Variants in UACA observed in about 807,000 individuals in gnomAD.
The protein encoded by UACA is uveal autoantigen with coiled-coil domains and ankyrin repeats.
In UACA, 112 loss-of-function variants were observed where a neutral mutation model predicts 160.5. The ratio of observed to expected loss-of-function variants is 0.70; its 90% CI spans 0.60 to 0.82. UACA has a LOEUF of 0.82. Ranked by LOEUF, UACA falls within the 40% of genes least tolerant of loss-of-function variation. The probability of loss-of-function intolerance (pLI) is 0.00; values close to 1 mark genes in which losing one functional copy is unlikely to be tolerated. For synonymous variants in UACA, 557 were observed against 568.4 expected (o/e 0.98, Z 0.29); for missense variants, 1,574 against 1,614.6 (o/e 0.97, Z 0.43).
At chr15:70,699,725 GAA>G in intron 1 of UACA, 65 bp from the exon 2 acceptor site, 1 of 1,557,150 alleles carries the variant, frequency 6.4e-7, no homozygotes, top group South Asian at 1.2e-5. Flanking sequence ...TCTAAAGAAA[GAA>G]AAAAGAGAGA....
chr15:70,680,845 G>T (rs1897475493), intron 9 of UACA, among the ~76,000 whole-genome samples: 1 of 152,160 alleles, frequency 6.6e-6, no homozygotes, highest in Non-Finnish European at 1.5e-5. Flanking sequence ...CACTGATTGG[G>T]GTGCACACGT....
intron 10 of UACA, among the ~76,000 whole-genome samples, chr15:70,678,807 C>T (rs112006868): frequency 0.014 from 2,057 of 151,696 alleles, 42 homozygotes; most frequent in African/African-American, 0.048. Context: ...ATATAAAAGC[C>T]AAAAAGTACT....
At position 70,668,407 on chromosome 15, in the gene UACA, T is replaced by C. The variant is rs1265370501; in HGVS notation, c.2277A>G (p.Ala759=). The change falls in exon 16 of 19, where the codon GCA becomes GCG. Residue 759 remains alanine, a synonymous_variant. Coordinates refer to ENST00000322954, the MANE Select transcript of UACA (RefSeq NM_018003.4). ...GCTTTCTATTAAGATCATCAATAAT[T>C]GCATCATGTGACTTTTTCATGTCTT... The part of the protein sequence containing the change: ...VSEDMKKSHD[A]IIDDLNRKLL... 6.2e-7 allele frequency: 1 copy of C among 1,610,620 alleles called. No individual in the cohort carries two copies. Among genetic ancestry groups the C allele is most frequent in the Non-Finnish European group, 8.5e-7 (1 of 1,179,418 alleles).
chr15:70,702,872 T>C (rs544885216), intron 1 of UACA, among the ~76,000 whole-genome samples: 2 of 152,320 alleles, frequency 1.3e-5, no homozygotes, highest in South Asian at 4.1e-4. Flanking sequence ...TAGTGATGCA[T>C]ACTTTTCAAC....
At chr15:70,761,581 G>A (rs1192501756) in intron 1 of UACA, among the ~76,000 whole-genome samples, 2 of 152,110 alleles carry the variant, frequency 1.3e-5, no homozygotes, top group Non-Finnish European at 2.9e-5. Context: ...AAATTTTACA[G>A]AATTCATTCT....
At chr15:70,778,215 AT>A in the UACA span, among the ~76,000 whole-genome samples, 18 of 152,098 alleles carry the variant, frequency 1.2e-4, no homozygotes, top group African/African-American at 4.1e-4. Flanking sequence ...AAAAAAAAAA[AT>A]ATTGAGAACA....
intron 1 of UACA, among the ~76,000 whole-genome samples, chr15:70,728,904 A>C (rs925555173): frequency 2.6e-5 from 4 of 152,230 alleles, no homozygotes; most frequent in Non-Finnish European, 5.9e-5. Flanking sequence ...TCTCAAAAGA[A>C]CACATACAAG....
chr15:70,676,450 T>C, intron 13 of UACA, 43 bp downstream of exon 13: 2 of 1,309,506 alleles, frequency 1.5e-6, no homozygotes, highest in African/African-American at 2.9e-5. Flanking sequence ...AGCCTTACCA[T>C]TACCCATTAT....
chr15:70,739,009 C>G (rs1418869430), intron 1 of UACA, among the ~76,000 whole-genome samples: 1 of 152,202 alleles, frequency 6.6e-6, no homozygotes, highest in Non-Finnish European at 1.5e-5. Flanking sequence ...TCACTTCTAA[C>G]ACATTCTATT....
chr15:70,654,708 C>T lies in UACA; in HGVS notation c.*2348G>A, dbSNP rs958635220. The T allele has an allele frequency of 6.6e-6, 1 of 151,844 alleles. No homozygotes were observed. Among genetic ancestry groups the T allele is most frequent in the Admixed American group, 6.6e-5 (1 of 15,236 alleles). The allele number at this position is 151,844 out of a possible 1,614,324, so 9.4% of individuals were successfully genotyped here. A position where few individuals can be genotyped will look rare whatever the true frequency, so the allele number is the denominator to read the frequency against. ...AAGTTCTCAAGTAAGGATTGCACTC[C>T]AATAGGAATTGAGTGATTCTCTCAG... On this transcript the variant is annotated 3_prime_UTR_variant, in exon 19 of 19. Coordinates refer to ENST00000322954, the MANE Select transcript of UACA (RefSeq NM_018003.4).
At chr15:70,778,471 A>G in the UACA span, among the ~76,000 whole-genome samples, 5 of 152,138 alleles carry the variant, frequency 3.3e-5, no homozygotes, top group Non-Finnish European at 7.4e-5. Context: ...TTGTCTCCAA[A>G]ATCAGCATCC....
At chr15:70,671,017 TA>T (rs372164200) in intron 15 of UACA, 21 bp downstream of exon 15, 26,690 of 1,141,466 alleles carry the variant, frequency 0.023, 142 homozygotes, top group African/African-American at 0.072. Flanking sequence ...TTTTTAAAAT[TA>T]AAAAAAAAAA....
upstream of UACA, among the ~76,000 whole-genome samples, chr15:70,766,306 G>A (rs542210819): frequency 6.6e-6 from 1 of 152,252 alleles, no homozygotes; most frequent in South Asian, 2.1e-4. Flanking sequence ...AACCAGACAG[G>A]TTGGGTTTTA....
At chr15:70,756,979 A>T (rs2030468694) in intron 1 of UACA, among the ~76,000 whole-genome samples, 1 of 152,208 alleles carries the variant, frequency 6.6e-6, no homozygotes. Context: ...TATCCAGCTG[A>T]TGATTATATT....
chr15:70,713,422 A>T (rs1898743249), intron 1 of UACA, among the ~76,000 whole-genome samples: 1 of 152,164 alleles, frequency 6.6e-6, no homozygotes, highest in African/African-American at 2.4e-5. Context: ...TAAGAATGTG[A>T]TCTTGACGGT....
chr15:70,689,643 A>G (rs1378363049), intron 5 of UACA, among the ~76,000 whole-genome samples: 1 of 152,200 alleles, frequency 6.6e-6, no homozygotes, highest in African/African-American at 2.4e-5. Flanking sequence ...CATATATTCC[A>G]TATACATGAA....
chr15:70,719,275 T>TA, intron 1 of UACA, among the ~76,000 whole-genome samples: 1 of 152,204 alleles, frequency 6.6e-6, no homozygotes, highest in East Asian at 1.9e-4. Flanking sequence ...AAAAAGGGTT[T>TA]ACAAAGGCCA....
At chr15:70,726,888 A>G (rs1463016813) in intron 1 of UACA, among the ~76,000 whole-genome samples, 2 of 152,176 alleles carry the variant, frequency 1.3e-5, no homozygotes, top group Non-Finnish European at 1.5e-5. Flanking sequence ...GTCAGGAGCT[A>G]GAGGGTGGCC....
chr15:70,717,566 C>G (rs1292964225), intron 1 of UACA, among the ~76,000 whole-genome samples: 1 of 152,194 alleles, frequency 6.6e-6, no homozygotes, highest in Non-Finnish European at 1.5e-5. Context: ...ACCCTTGTTT[C>G]AGGTACTCAC....
Sources: allele counts gnomAD v4.1 joint callset (sites outside exome capture counted in the v4.1 genomes callset), GRCh38; gene constraint gnomAD v4.1.1; transcripts MANE v1.5; gene names NCBI Gene and HGNC (gene_info 2026-07-23, HGNC 2026-07-21).